AAGAB: variants seen among roughly 807,000 people sequenced by gnomAD.
AAGAB encodes the protein alpha and gamma adaptin binding protein.
Under a neutral mutation model 44.1 loss-of-function variants are expected in AAGAB, and 38 were observed. The observed-to-expected ratio is 0.86, with a 90% confidence interval of 0.67 to 1.13. The LOEUF is 1.13. Ranked by LOEUF, AAGAB falls within the 50% of genes most tolerant of loss-of-function variation. The pLI is 0.00. For synonymous variants in AAGAB, 131 were observed against 131.8 expected (o/e 0.99, Z 0.04); for missense variants, 450 against 373.8 (o/e 1.20, Z -1.68).
chr15:67,231,101 A>G (rs1427948821), intron 5 of AAGAB, among the ~76,000 whole-genome samples: 6 of 151,980 alleles, frequency 3.9e-5, no homozygotes, highest in Non-Finnish European at 8.8e-5. Context: ...GTGCAGTGGC[A>G]TGACCACAGC....
At chr15:67,216,765 TG>T (rs1337408048) in intron 5 of AAGAB, among the ~76,000 whole-genome samples, 1 of 146,744 alleles carries the variant, frequency 6.8e-6, no homozygotes, top group African/African-American at 2.5e-5. Context: ...GACTTTACCA[TG>T]AAAAAAAAAA....
At chr15:67,229,839 A>T (rs1855110051) in intron 5 of AAGAB, among the ~76,000 whole-genome samples, 1 of 151,600 alleles carries the variant, frequency 6.6e-6, no homozygotes. Context: ...ATGATTTTTC[A>T]TTTTGTGTGG....
At chr15:67,213,186 C>G (rs1384962044) in intron 5 of AAGAB, among the ~76,000 whole-genome samples, 1 of 152,094 alleles carries the variant, frequency 6.6e-6, no homozygotes. Flanking sequence ...TTTTAGTACT[C>G]TAGTAAGTTG....
In AAGAB at chr15:67,235,978, C is replaced by G. The variant is rs1057518846; in HGVS notation, c.451+1G>C. 1 of 1,599,430 alleles carries G rather than the reference C, an allele frequency of 6.3e-7. No homozygotes were observed. Among genetic ancestry groups the G allele is most frequent in the Non-Finnish European group, 8.6e-7 (1 of 1,168,938 alleles). ...TTTTCTCCTAACACATAAACACTTA[C>G]CATCCTCCTCAGGCAACTCCTCTGG... On this transcript the variant is annotated splice_donor_variant, in intron 4 of 9. Coordinates refer to ENST00000261880, the MANE Select transcript of AAGAB (RefSeq NM_024666.5). LOFTEE classifies it high-confidence loss of function.
chr15:67,213,690 C>T (rs1432940801), intron 5 of AAGAB, among the ~76,000 whole-genome samples: 1 of 152,122 alleles, frequency 6.6e-6, no homozygotes, highest in African/African-American at 2.4e-5. Flanking sequence ...TTTATACAAG[C>T]TATGCCTTCT....
chr15:67,224,127 C>T (rs965063665), intron 5 of AAGAB, among the ~76,000 whole-genome samples: 2 of 152,126 alleles, frequency 1.3e-5, no homozygotes, highest in Non-Finnish European at 2.9e-5. Flanking sequence ...CTATAGTCTC[C>T]CACCAGAATG....
At chr15:67,229,235 C>A (rs1383785551) in intron 5 of AAGAB, among the ~76,000 whole-genome samples, 1 of 152,080 alleles carries the variant, frequency 6.6e-6, no homozygotes, top group South Asian at 2.1e-4. Context: ...AGTTCAAGAC[C>A]AGCCTGGCCA....
At chr15:67,204,573 C>T (rs1194516581) in intron 7 of AAGAB, among the ~76,000 whole-genome samples, 1 of 152,026 alleles carries the variant, frequency 6.6e-6, no homozygotes, top group African/African-American at 2.4e-5. Context: ...CTATTACCGA[C>T]AACCACTATA....
At chr15:67,210,127 T>C (rs1199742495) in intron 5 of AAGAB, among the ~76,000 whole-genome samples, 1 of 152,244 alleles carries the variant, frequency 6.6e-6, no homozygotes, top group Non-Finnish European at 1.5e-5. Context: ...TAATATTCCA[T>C]TGTTTTAAAT....
chr15:67,231,878 T>C lies in AAGAB; in HGVS notation c.471A>G (p.Thr157=). The C allele has an allele frequency of 6.2e-7, 1 of 1,611,192 alleles. No homozygotes were observed. Among genetic ancestry groups the C allele is most frequent in the South Asian group, 1.1e-5 (1 of 91,044 alleles). The change falls in exon 5 of 10, where the codon ACA becomes ACG. Residue 157 remains threonine, a synonymous_variant. Coordinates refer to ENST00000261880, the MANE Select transcript of AAGAB (RefSeq NM_024666.5). The stretch of plus-strand genomic sequence containing the variant: ...GGGCTTGGACAATTCGCTTTACTCC[T>C]GTAGATTCTGGGAAGTCATCTAATC... ...PEEDDDFPES[T]GVKRIVQALN... is the part of the protein sequence containing the mutation.
At chr15:67,252,577 C>T (rs1964894176) in intron 1 of AAGAB, among the ~76,000 whole-genome samples, 1 of 151,984 alleles carries the variant, frequency 6.6e-6, no homozygotes, top group African/African-American at 2.4e-5. Context: ...GAGACTATGG[C>T]TATTTTCTTT....
chr15:67,236,108 A>G (rs1414045401), intron 3 of AAGAB, 40 bp from the exon 4 acceptor site: 1 of 1,435,040 alleles, frequency 7.0e-7, no homozygotes, highest in South Asian at 1.2e-5. Flanking sequence ...AGTAAAAAGA[A>G]AATAAAACAT....
At chr15:67,213,977 T>A (rs368809913) in intron 5 of AAGAB, among the ~76,000 whole-genome samples, 75 of 152,302 alleles carry the variant, frequency 4.9e-4, no homozygotes, top group African/African-American at 1.8e-3. Context: ...CTGAGAGAGA[T>A]TAGGTAACTT....
chr15:67,226,004 C>T (rs1265710938), intron 5 of AAGAB, among the ~76,000 whole-genome samples: 1 of 152,198 alleles, frequency 6.6e-6, no homozygotes, highest in Non-Finnish European at 1.5e-5. Flanking sequence ...CACAAGGTTT[C>T]TAATTTCTCC....
chr15:67,252,991 T>A (rs1039292669), intron 1 of AAGAB, among the ~76,000 whole-genome samples: 1 of 152,222 alleles, frequency 6.6e-6, no homozygotes, highest in African/African-American at 2.4e-5. Flanking sequence ...TATGCCCCAT[T>A]TTAAGGATCA....
chr15:67,211,555 T>C (rs1400224512), intron 5 of AAGAB, among the ~76,000 whole-genome samples: 4 of 152,244 alleles, frequency 2.6e-5, no homozygotes, highest in African/African-American at 9.6e-5. Flanking sequence ...TGTAGTTATG[T>C]AATACTCAGA....
chr15:67,244,193 T>C (rs1004570933), intron 1 of AAGAB, among the ~76,000 whole-genome samples: 9 of 152,214 alleles, frequency 5.9e-5, no homozygotes, highest in Non-Finnish European at 1.5e-5. Context: ...CTGTAGCCCC[T>C]GTACTCAAGT....
chr15:67,255,095 C>T, upstream of AAGAB: 1 of 741,452 alleles, frequency 1.3e-6, no homozygotes, highest in Non-Finnish European at 2.4e-6. Flanking sequence ...AAATGCCCAC[C>T]CAGACCTTCC....
chr15:67,254,972 C>T (rs781306979), upstream of AAGAB: 6 of 1,606,622 alleles, frequency 3.7e-6, no homozygotes, highest in East Asian at 4.5e-5. Context: ...TCCCCCGGCC[C>T]TGCCCTGCCC....
Sources: gnomAD v4.1 joint callset for allele counts (sites outside exome capture counted in the v4.1 genomes callset) on GRCh38, gnomAD v4.1.1 for gene constraint, MANE v1.5 for transcripts, NCBI Gene and HGNC (gene_info 2026-07-23, HGNC 2026-07-21) for gene names.